Variants in CSMD1 observed in about 807,000 individuals in gnomAD.
CSMD1 encodes the protein CUB and sushi domain-containing protein 1.
In CSMD1, 213 loss-of-function variants were observed where a neutral mutation model predicts 417.5. The observed-to-expected ratio is 0.51, with a 90% CI of 0.46 to 0.57. CSMD1 has a LOEUF of 0.57. CSMD1 is among the 20% of genes least tolerant of loss of function. The probability of loss-of-function intolerance (pLI) is 0.00; values close to 1 mark genes in which losing one functional copy is unlikely to be tolerated. For missense variants in CSMD1, 6,923 were observed against 4,529.7 expected, an observed-to-expected ratio of 1.53 and a Z score of -15.17; for synonymous variants, 2,862 against 1,736.8, an observed-to-expected ratio of 1.65 and a Z score of -16.11.
At chr8:3,974,220 A>G (rs1478160652) in intron 5 of CSMD1, among the ~76,000 whole-genome samples, 1 of 151,928 alleles carries the variant, frequency 6.6e-6, no homozygotes, top group East Asian at 1.9e-4. Context: ...AACCTTTCAT[A>G]AGAGTTATTT....
intron 3 of CSMD1, among the ~76,000 whole-genome samples, chr8:4,369,068 T>C (rs1583651): frequency 0.49 from 74,307 of 151,864 alleles, 18,558 homozygotes; most frequent in Admixed American, 0.54. Flanking sequence ...TTTTGACTTC[T>C]TGATATAGAC....
chr8:3,909,216 C>T (rs1161250179), intron 5 of CSMD1, among the ~76,000 whole-genome samples: 1 of 152,158 alleles, frequency 6.6e-6, no homozygotes, highest in African/African-American at 2.4e-5. Flanking sequence ...AGACAGTTAT[C>T]CTCTCAACCT....
chr8:3,410,554 C>A (rs1272186483), intron 12 of CSMD1, among the ~76,000 whole-genome samples: 2 of 152,106 alleles, frequency 1.3e-5, no homozygotes, highest in African/African-American at 2.4e-5. Flanking sequence ...TTGCCTGCTG[C>A]CATCATGTAA....
chr8:3,393,824 C>G (rs555240648), intron 17 of CSMD1, among the ~76,000 whole-genome samples: 68 of 151,064 alleles, frequency 4.5e-4, no homozygotes, highest in African/African-American at 1.6e-3. Context: ...GAACATCACA[C>G]TCTGGGGCCT....
chr8:4,199,148 G>A (rs748405024), intron 3 of CSMD1, among the ~76,000 whole-genome samples: 3 of 152,146 alleles, frequency 2.0e-5, no homozygotes, highest in African/African-American at 7.2e-5. Flanking sequence ...TGAGACTGCA[G>A]AACGTATCCA....
At chr8:3,833,011 G>C (rs185680027) in intron 5 of CSMD1, among the ~76,000 whole-genome samples, 70 of 152,230 alleles carry the variant, frequency 4.6e-4, no homozygotes, top group African/African-American at 1.6e-3. Flanking sequence ...TAAAGTGTCA[G>C]CTGCTAAGTT....
intron 1 of CSMD1, among the ~76,000 whole-genome samples, chr8:4,821,192 T>C (rs1331096084): frequency 6.6e-6 from 1 of 152,182 alleles, no homozygotes. Context: ...CACTGTGACA[T>C]TCAGGTCACG....
intron 39 of CSMD1, among the ~76,000 whole-genome samples, chr8:3,154,192 C>A (rs1381801438): frequency 6.6e-6 from 1 of 152,194 alleles, no homozygotes; most frequent in Non-Finnish European, 1.5e-5. Context: ...AGGCTGGTCT[C>A]GAACTCCTGA....
chr8:3,414,884 G>A (rs886629018), intron 12 of CSMD1, among the ~76,000 whole-genome samples: 5 of 151,980 alleles, frequency 3.3e-5, no homozygotes, highest in Non-Finnish European at 7.4e-5. Context: ...GCTTGCTCGG[G>A]GATGGCCTGT....
intron 3 of CSMD1, among the ~76,000 whole-genome samples, chr8:4,269,857 C>G (rs951716170): frequency 2.0e-5 from 3 of 152,096 alleles, no homozygotes; most frequent in Non-Finnish European, 2.9e-5. Flanking sequence ...TACAAAATGT[C>G]TTGAAGTTAT....
At chr8:4,567,300 C>T (rs1798659649) in intron 2 of CSMD1, among the ~76,000 whole-genome samples, 2 of 152,108 alleles carry the variant, frequency 1.3e-5, no homozygotes. Flanking sequence ...GCTTGTAAAA[C>T]CCAATAATGT....
chr8:4,914,185 G>A (rs973843385), intron 1 of CSMD1, among the ~76,000 whole-genome samples: 3 of 152,190 alleles, frequency 2.0e-5, no homozygotes, highest in Admixed American at 6.5e-5. Context: ...ACGGAGTCAT[G>A]AGACTCTATA....
At chr8:3,820,678 C>A (rs978876663) in intron 5 of CSMD1, among the ~76,000 whole-genome samples, 12 of 152,142 alleles carry the variant, frequency 7.9e-5, no homozygotes, top group African/African-American at 2.9e-4. Flanking sequence ...CAGGTTTGAG[C>A]TATTCTCTTG....
intron 49 of CSMD1, among the ~76,000 whole-genome samples, chr8:3,082,832 C>A (rs933105969): frequency 6.6e-6 from 1 of 152,154 alleles, no homozygotes; most frequent in Admixed American, 6.5e-5. Flanking sequence ...GTGCTTGAAG[C>A]CTAGAAGCCT....
chr8:4,180,814 A>G (rs1798327420), intron 3 of CSMD1, among the ~76,000 whole-genome samples: 1 of 152,052 alleles, frequency 6.6e-6, no homozygotes, highest in Admixed American at 6.6e-5. Flanking sequence ...GAGTTCACAA[A>G]TCCAACCAAC....
At chr8:4,402,691 G>C (rs1283481539) in intron 3 of CSMD1, among the ~76,000 whole-genome samples, 2 of 151,296 alleles carry the variant, frequency 1.3e-5, no homozygotes, top group Non-Finnish European at 2.9e-5. Flanking sequence ...GGAGAAAATA[G>C]AAGCAATGTG....
At chr8:3,855,482 A>C (rs17067746) in intron 5 of CSMD1, among the ~76,000 whole-genome samples, 13,672 of 152,232 alleles carry the variant, frequency 0.09, 645 homozygotes, top group South Asian at 0.17. Flanking sequence ...GCTAGTTATG[A>C]AGATATAAGC....
intron 3 of CSMD1, among the ~76,000 whole-genome samples, chr8:4,081,830 T>TA (rs58303674): frequency 0.088 from 13,356 of 152,022 alleles, 819 homozygotes; most frequent in East Asian, 0.28. Flanking sequence ...CAAATAAAGT[T>TA]AAAAAAAGTT....
At chr8:3,475,964 G>C (rs1405706172) in intron 11 of CSMD1, among the ~76,000 whole-genome samples, 1 of 152,166 alleles carries the variant, frequency 6.6e-6, no homozygotes, top group East Asian at 1.9e-4. Context: ...TTACTGTGTA[G>C]ACAAGAACAA....
Sources: allele counts gnomAD v4.1 joint callset (sites outside exome capture counted in the v4.1 genomes callset), GRCh38; gene constraint gnomAD v4.1.1; transcripts MANE v1.5; gene names NCBI Gene and HGNC (gene_info 2026-07-23, HGNC 2026-07-21).